Variants in OTUD7A observed in about 807,000 individuals in gnomAD.
The protein encoded by OTUD7A is OTU deubiquitinase 7A, also known as OTU domain-containing protein 7A.
OTUD7A carries 12 observed loss-of-function variants against 65.7 expected under a neutral mutation model. The observed-to-expected ratio is 0.18, with a 90% CI of 0.12 to 0.30. OTUD7A has a LOEUF of 0.30. OTUD7A is among the 10% of genes least tolerant of loss of function. OTUD7A has a pLI of 1.00. For synonymous variants in OTUD7A, 641 were observed against 586.3 expected (o/e 1.09, Z -1.35); for missense variants, 1,148 against 1,304.8 (o/e 0.88, Z 1.85).
intron 3 of OTUD7A, among the ~76,000 whole-genome samples, chr15:31,634,292 C>G (rs941376878): frequency 6.6e-6 from 1 of 152,204 alleles, no homozygotes; most frequent in African/African-American, 2.4e-5. Context: ...GAGAAAAATG[C>G]AACCCCCTCT....
rs192391357 is a variant in OTUD7A, at chr15:31,854,872, G to C, written c.-100+15635C>G. On this transcript the variant is annotated intron_variant, in intron 1 of 12. Coordinates refer to ENST00000307050, the MANE Select transcript of OTUD7A (RefSeq NM_001382637.1). ...TCATAAACCAACAGAAAGAGAATCA[G>C]AGCATGGAAAAGAAATGAAGAAATA... 1.9e-4 allele frequency among the ~76,000 whole-genome samples: 29 copies of C among 150,378 alleles called. No individual in the cohort carries two copies. In the East Asian group the frequency reaches 1.9e-3, roughly 10 times the overall value.
chr15:31,816,214 C>G (rs1896545561), intron 1 of OTUD7A, among the ~76,000 whole-genome samples: 1 of 152,178 alleles, frequency 6.6e-6, no homozygotes, highest in African/African-American at 2.4e-5. Flanking sequence ...AACATCAAAC[C>G]TTGGGTAGAG....
At chr15:31,611,022 C>T (rs1890403804) in intron 3 of OTUD7A, among the ~76,000 whole-genome samples, 1 of 152,012 alleles carries the variant, frequency 6.6e-6, no homozygotes, top group Non-Finnish European at 1.5e-5. Flanking sequence ...CATGCAAACA[C>T]ATGGAAATTA....
At chr15:31,618,740 A>C (rs1890676014) in intron 3 of OTUD7A, among the ~76,000 whole-genome samples, 1 of 152,064 alleles carries the variant, frequency 6.6e-6, no homozygotes, top group Admixed American at 6.5e-5. Flanking sequence ...GTTCACTCTG[A>C]TGGTAGTTTC....
intron 1 of OTUD7A, among the ~76,000 whole-genome samples, chr15:31,701,723 T>C (rs1439541809): frequency 2.6e-5 from 4 of 151,950 alleles, no homozygotes; most frequent in African/African-American, 9.7e-5. Context: ...CTACCAAACA[T>C]TTAAATATGA....
intron 1 of OTUD7A, among the ~76,000 whole-genome samples, chr15:31,860,674 T>C (rs1399003557): frequency 2.5e-5 from 1 of 39,726 alleles, no homozygotes; most frequent in African/African-American, 6.0e-5. Context: ...TAGATGTATG[T>C]GTGTATATAT....
intron 1 of OTUD7A, among the ~76,000 whole-genome samples, chr15:31,668,679 C>T: frequency 6.6e-6 from 1 of 152,130 alleles, no homozygotes; most frequent in East Asian, 1.9e-4. Flanking sequence ...GGTTTGGATC[C>T]ATTGCTGGTG....
chr15:31,819,734 TAAAC>T (rs1381550127), intron 1 of OTUD7A, among the ~76,000 whole-genome samples: 2 of 151,888 alleles, frequency 1.3e-5, no homozygotes, highest in African/African-American at 4.8e-5. Flanking sequence ...ACAGGTAACA[TAAAC>T]TAAATATACT....
chr15:31,608,802 C>T (rs1452440094), intron 3 of OTUD7A, among the ~76,000 whole-genome samples: 3 of 152,184 alleles, frequency 2.0e-5, no homozygotes, highest in South Asian at 2.1e-4. Context: ...CGTGCGGAGG[C>T]TCGCATCATG....
intron 1 of OTUD7A, among the ~76,000 whole-genome samples, chr15:31,774,730 T>C (rs548957923): frequency 5.8e-4 from 89 of 152,334 alleles, no homozygotes; most frequent in Middle Eastern, 3.4e-3. Flanking sequence ...ATCCCAGTTG[T>C]CTGGGAAATA....
At chr15:31,538,152 T>C (rs887319578) in intron 5 of OTUD7A, among the ~76,000 whole-genome samples, 2 of 152,290 alleles carry the variant, frequency 1.3e-5, no homozygotes, top group African/African-American at 4.8e-5. Context: ...AGGGCCACAA[T>C]CAGGGGCTCT....
chr15:31,554,010 T>A (rs556353134), intron 5 of OTUD7A, among the ~76,000 whole-genome samples: 6 of 152,114 alleles, frequency 3.9e-5, no homozygotes, highest in Admixed American at 3.9e-4. Context: ...TCTCCTGCCC[T>A]CCTTTCCAAA....
At position 31,484,463 on chromosome 15, in the gene OTUD7A, G is replaced by T; in HGVS notation, c.1633C>A (p.Leu545Met). 1 of 1,605,344 alleles carries T rather than the reference G, an allele frequency of 6.2e-7. No individual in the cohort carries two copies. The highest frequency in any genetic ancestry group is 8.5e-7 in the Non-Finnish European group (1 of 1,179,928). The change falls in exon 13 of 13, where the codon CTG becomes ATG. Residue 545 changes from leucine to methionine, a missense_variant. Around this residue, in one of 6 missense-constraint regions of OTUD7A, gnomAD observed 842 missense variants for 769.5 expected, o/e 1.09. Coordinates refer to ENST00000307050, the MANE Select transcript of OTUD7A (RefSeq NM_001382637.1). The surrounding 1 kb of genome is among the most constrained non-coding windows in gnomAD (Gnocchi z 4.5). ...GCGCGGCCCATCTTGCCGTGCACCA[G>T]GCCGCCGAGGCCGCCCATGTTTTTC... ...LKKNMGGLGG[L>M]VHGKMGRANS... is the part of the protein sequence containing the mutation.
chr15:31,655,959 C>G (rs1198614504), intron 2 of OTUD7A, among the ~76,000 whole-genome samples: 1 of 151,618 alleles, frequency 6.6e-6, no homozygotes, highest in Non-Finnish European at 1.5e-5. Context: ...TGCCATCCTA[C>G]CCCCTCAGCT....
chr15:31,519,139 T>TGC (rs2041904601), intron 8 of OTUD7A, among the ~76,000 whole-genome samples: 1 of 145,856 alleles, frequency 6.9e-6, no homozygotes, highest in East Asian at 2.2e-4. Context: ...TGTGTGTGTG[T>TGC]GTGCACGCAC....
chr15:31,523,244 C>G (rs948954713), intron 8 of OTUD7A, among the ~76,000 whole-genome samples: 4 of 152,220 alleles, frequency 2.6e-5, no homozygotes, highest in African/African-American at 9.6e-5. Flanking sequence ...TCCTCCCCTT[C>G]TCTGGCTGCT....
chr15:31,759,387 G>T (rs536846969), intron 1 of OTUD7A, among the ~76,000 whole-genome samples: 3 of 152,314 alleles, frequency 2.0e-5, no homozygotes, highest in African/African-American at 7.2e-5. Flanking sequence ...TTTCTGCAAG[G>T]TATCCAATGG....
intron 3 of OTUD7A, among the ~76,000 whole-genome samples, chr15:31,635,918 G>A (rs996274463): frequency 5.3e-5 from 8 of 152,208 alleles, no homozygotes; most frequent in African/African-American, 1.7e-4. Context: ...GCTGGTCTCC[G>A]GCAGCATGAA....
intron 1 of OTUD7A, among the ~76,000 whole-genome samples, chr15:31,670,873 T>C (rs1018617664): frequency 4.6e-5 from 7 of 151,968 alleles, no homozygotes; most frequent in African/African-American, 1.5e-4. Context: ...CGGGCGCCTG[T>C]AGTCCCAGCT....
Sources: allele counts gnomAD v4.1 joint callset (sites outside exome capture counted in the v4.1 genomes callset), GRCh38; gene constraint gnomAD v4.1.1; regional missense constraint gnomAD v4.1.1; non-coding constraint Gnocchi (gnomAD v3.1); transcripts MANE v1.5; gene names NCBI Gene and HGNC (gene_info 2026-07-23, HGNC 2026-07-21).